NKAIN2: variants seen among roughly 807,000 people sequenced by gnomAD.
NKAIN2 encodes the protein sodium/potassium-transporting ATPase subunit beta-1-interacting protein 2.
A neutral mutation model predicts 32.6 loss-of-function variants in NKAIN2; 14 were observed. The ratio of observed to expected loss-of-function variants is 0.43; its 90% CI spans 0.28 to 0.67. NKAIN2 has a LOEUF of 0.67. Among genes scored for constraint, NKAIN2 ranks in the 30% least tolerant of loss-of-function variants. NKAIN2 has a pLI of 0.17. For missense variants in NKAIN2, 198 were observed against 258.3 expected (o/e 0.77, Z 1.60); for synonymous variants, 80 against 87.2 (o/e 0.92, Z 0.46).
At chr6:124,060,587 G>A (rs570018042) in intron 1 of NKAIN2, among the ~76,000 whole-genome samples, 14 of 152,152 alleles carry the variant, frequency 9.2e-5, no homozygotes, top group South Asian at 4.2e-4. Flanking sequence ...AACACCGTTC[G>A]CCAAAATGTA....
At chr6:124,566,407 A>G (rs1354110737) in intron 3 of NKAIN2, among the ~76,000 whole-genome samples, 1 of 152,114 alleles carries the variant, frequency 6.6e-6, no homozygotes, top group Non-Finnish European at 1.5e-5. Flanking sequence ...TCCACTTCAC[A>G]TTCAACGGTG....
intron 3 of NKAIN2, among the ~76,000 whole-genome samples, chr6:124,640,838 T>A (rs963948913): frequency 6.6e-6 from 1 of 152,136 alleles, no homozygotes; most frequent in Non-Finnish European, 1.5e-5. Context: ...TCCTATTTTT[T>A]CTTTTCATTT....
intron 1 of NKAIN2, among the ~76,000 whole-genome samples, chr6:124,128,898 C>A (rs1196241961): frequency 6.6e-6 from 1 of 152,160 alleles, no homozygotes; most frequent in African/African-American, 2.4e-5. Flanking sequence ...ATCCTACCAC[C>A]CCTCTAAACA....
intron 1 of NKAIN2, among the ~76,000 whole-genome samples, chr6:124,128,075 C>T (rs1247355637): frequency 6.6e-6 from 1 of 152,132 alleles, no homozygotes; most frequent in Non-Finnish European, 1.5e-5. Context: ...GTGATCCGCC[C>T]ACCTTGGCCT....
intron 1 of NKAIN2, among the ~76,000 whole-genome samples, chr6:124,261,093 T>C (rs971114002): frequency 6.6e-6 from 1 of 152,068 alleles, no homozygotes; most frequent in Non-Finnish European, 1.5e-5. Context: ...GATGGAAAAA[T>C]AGCATAAAAG....
intron 1 of NKAIN2, among the ~76,000 whole-genome samples, chr6:123,968,608 C>T (rs867517173): frequency 6.6e-6 from 1 of 152,156 alleles, no homozygotes; most frequent in Admixed American, 6.5e-5. Context: ...TTTCTCTAAG[C>T]TGTGTCCTAG....
intron 3 of NKAIN2, among the ~76,000 whole-genome samples, chr6:124,472,300 G>A (rs989575488): frequency 5.3e-5 from 8 of 152,090 alleles, no homozygotes; most frequent in African/African-American, 1.9e-4. Context: ...TTTGAATAAG[G>A]TGCAGTGGTC....
chr6:124,485,469 G>T (rs1777614079), intron 3 of NKAIN2, among the ~76,000 whole-genome samples: 1 of 151,756 alleles, frequency 6.6e-6, no homozygotes, highest in Admixed American at 6.6e-5. Flanking sequence ...AAGAGAGGTG[G>T]GGATATATAT....
chr6:124,361,269 C>A (rs1799275911), intron 3 of NKAIN2, among the ~76,000 whole-genome samples: 1 of 151,946 alleles, frequency 6.6e-6, no homozygotes. Flanking sequence ...TCCGTAAAAA[C>A]CTATATTTTA....
intron 1 of NKAIN2, among the ~76,000 whole-genome samples, chr6:124,014,193 T>C (rs1480003278): frequency 6.6e-6 from 1 of 152,198 alleles, no homozygotes; most frequent in African/African-American, 2.4e-5. Context: ...AATGAATATT[T>C]ATTGTATGAA....
At chr6:124,324,299 G>A (rs1287821295) in intron 2 of NKAIN2, among the ~76,000 whole-genome samples, 2 of 151,892 alleles carry the variant, frequency 1.3e-5, no homozygotes, top group Non-Finnish European at 2.9e-5. Flanking sequence ...GTGTTTTGTA[G>A]TTTTTACCAT....
chr6:124,488,588 G>T (rs1210609914), intron 3 of NKAIN2, among the ~76,000 whole-genome samples: 1 of 151,942 alleles, frequency 6.6e-6, no homozygotes, highest in African/African-American at 2.4e-5. Context: ...AAACTTGTAA[G>T]CAAAGCACAA....
intron 1 of NKAIN2, among the ~76,000 whole-genome samples, chr6:124,134,456 C>T (rs549375024): frequency 2.6e-5 from 4 of 152,120 alleles, no homozygotes; most frequent in Non-Finnish European, 4.4e-5. Flanking sequence ...GAGGCCAAGG[C>T]GGGTGGATCA....
intron 3 of NKAIN2, among the ~76,000 whole-genome samples, chr6:124,408,738 T>C (rs993660353): frequency 6.6e-6 from 1 of 152,154 alleles, no homozygotes; most frequent in Non-Finnish European, 1.5e-5. Context: ...GTGAAGAAAG[T>C]CATTGGTAGC....
intron 4 of NKAIN2, among the ~76,000 whole-genome samples, chr6:124,684,829 AC>A (rs1773786149): frequency 6.6e-6 from 1 of 151,986 alleles, no homozygotes; most frequent in Non-Finnish European, 1.5e-5. Flanking sequence ...AACCACCCTA[AC>A]CCCCAAATAC....
chr6:124,426,514 G>T (rs1290799435), intron 3 of NKAIN2, among the ~76,000 whole-genome samples: 1 of 152,092 alleles, frequency 6.6e-6, no homozygotes, highest in Non-Finnish European at 1.5e-5. Context: ...AGAGATAAAT[G>T]ATTTAAACAG....
chr6:124,666,976 G>A (rs1772828956), intron 4 of NKAIN2, among the ~76,000 whole-genome samples: 1 of 151,964 alleles, frequency 6.6e-6, no homozygotes, highest in Non-Finnish European at 1.5e-5. Context: ...TGCTCATTGA[G>A]AATACTATTA....
chr6:124,455,735 T>C (rs1002934122), intron 3 of NKAIN2, among the ~76,000 whole-genome samples: 7 of 151,964 alleles, frequency 4.6e-5, no homozygotes, highest in Non-Finnish European at 1.0e-4. Flanking sequence ...TGTTGACAAG[T>C]TGGTATTCTT....
intron 1 of NKAIN2, among the ~76,000 whole-genome samples, chr6:124,189,389 A>T (rs2114580415): frequency 6.6e-6 from 1 of 152,226 alleles, no homozygotes; most frequent in South Asian, 2.1e-4. Flanking sequence ...TAACTGTGTG[A>T]TGTGGTTATT....
Sources: gnomAD v4.1 joint callset for allele counts (sites outside exome capture counted in the v4.1 genomes callset) on GRCh38, gnomAD v4.1.1 for gene constraint, MANE v1.5 for transcripts, NCBI Gene and HGNC (gene_info 2026-07-23, HGNC 2026-07-21) for gene names.